The following XIRP2 variants were observed in gnomAD, a reference collection of about 807,000 sequenced individuals.
XIRP2 encodes xin actin binding repeat containing 2.
In XIRP2, 236 loss-of-function variants were observed where a neutral mutation model predicts 277.0. The ratio of observed to expected loss-of-function variants is 0.85; its 90% CI spans 0.77 to 0.95. The LOEUF is 0.95. XIRP2 is among the 40% of genes least tolerant of loss of function. The pLI is 0.00. For synonymous variants in XIRP2, 1,490 were observed against 1,416.5 expected, an observed-to-expected ratio of 1.05 and a Z score of -1.17; for missense variants, 4,640 against 4,157.5, an observed-to-expected ratio of 1.12 and a Z score of -3.19.
chr2:167,002,458 TC>T (rs1208415864), intron 2 of XIRP2, among the ~76,000 whole-genome samples: 1 of 152,010 alleles, frequency 6.6e-6, no homozygotes, highest in Admixed American at 6.6e-5. Flanking sequence ...ATATCTATAC[TC>T]TTTGCTTCAC....
chr2:166,910,110 G>A (rs1042539863), intron 2 of XIRP2, among the ~76,000 whole-genome samples: 6 of 152,128 alleles, frequency 3.9e-5, no homozygotes, highest in South Asian at 2.1e-4. Context: ...TTGGTATCGC[G>A]ATGATGCTGG....
At chr2:166,975,163 G>C (rs1326125475) in intron 2 of XIRP2, among the ~76,000 whole-genome samples, 2 of 151,890 alleles carry the variant, frequency 1.3e-5, no homozygotes, top group Non-Finnish European at 2.9e-5. Flanking sequence ...AGTAGAGACT[G>C]ACAGAATTAA....
Position 167,010,093 on chromosome 2 carries a change from T to G in XIRP2, c.408+106203T>G, listed in dbSNP as rs12564149. On this transcript the variant is annotated intron_variant, in intron 2 of 10. Transcript: ENST00000409195. ...AATTAGATCCCATTTGTCAATTTTG[T>G]CTTTTGTTGCCATTGCTTTTGGTGT... Among the ~76,000 whole-genome samples the G allele has an allele frequency of 2.9e-4, 44 of 151,952 alleles. 2 individuals carry two copies. The highest frequency in any genetic ancestry group is 2.7e-3 in the South Asian group (13 of 4,808).
chr2:167,037,957 T>C (rs1378088826), intron 2 of XIRP2, among the ~76,000 whole-genome samples: 1 of 152,010 alleles, frequency 6.6e-6, no homozygotes, highest in African/African-American at 2.4e-5. Context: ...AGCTTTATCT[T>C]ATGTCAGAAA....
At position 167,244,172 on chromosome 2, in the gene XIRP2, A is replaced by G. The variant is rs1695170304; in HGVS notation, c.2780A>G (p.Asp927Gly). The change falls in exon 9 of 11, where the codon GAT (aspartate) becomes GGT (glycine). Residue 927 changes from aspartate (D) to glycine (G), a missense_variant. Asp to Gly is a moderately conservative substitution (Grantham distance 94). Transcript: ENST00000409195. ...CAACCTCTGGAAGACATTAGAAAAG[A>G]TAAAAAGGAGTACACACGAACAGTG... ...ETQPLEDIRK[D>G]KKEYTRTVKL... The G allele has an allele frequency of 6.2e-7, 1 of 1,613,686 alleles. No homozygotes were observed. Among genetic ancestry groups the G allele is most frequent in the South Asian group, 1.1e-5 (1 of 91,050 alleles).
rs559846704 is a variant in XIRP2, at chr2:166,892,842, TTATAA to T, written c.-19+4290_-19+4294del. ...ATATATATATAACTTCTATGATATG[TTATAA>T]TATATGTTTTATATATATATGTATG... On this transcript the variant is annotated intron_variant, in intron 1 of 10. Transcript: ENST00000409195. 2.4e-3 allele frequency among the ~76,000 whole-genome samples: 358 copies of T among 148,786 alleles called. 2 individuals are homozygous for T. The highest frequency in any genetic ancestry group is 7.8e-3 in the African/African-American group (320 of 40,874).
Position 167,259,382 on chromosome 2 carries a change from C to T in XIRP2, c.*1565C>T, listed in dbSNP as rs1435910679. 1 of 1,580,272 alleles carries T rather than the reference C, an allele frequency of 6.3e-7. No individual in the cohort carries two copies. The highest frequency in any genetic ancestry group is 8.6e-7 in the Non-Finnish European group (1 of 1,165,232). Reference sequence around the variant, plus strand: ...TGAGTAAAATATCTATGGCCACTGACAGTCCACACTTAGGCACTGAGAGAT... The same window carrying T: ...TGAGTAAAATATCTATGGCCACTGATAGTCCACACTTAGGCACTGAGAGAT... On this transcript the variant is annotated 3_prime_UTR_variant, in exon 11 of 11. Transcript: ENST00000409195.
intron 3 of XIRP2, among the ~76,000 whole-genome samples, chr2:167,168,710 G>A (rs1692593569): frequency 6.6e-6 from 1 of 152,288 alleles, no homozygotes; most frequent in South Asian, 2.1e-4. Context: ...CGCCTCCCGG[G>A]TTCACACCAT....
chr2:167,064,599 A>T (rs1476138531), intron 2 of XIRP2, among the ~76,000 whole-genome samples: 2 of 151,876 alleles, frequency 1.3e-5, no homozygotes, highest in African/African-American at 2.4e-5. Context: ...CTTTGCAACC[A>T]ATCCCCAGAA....
At chr2:166,888,888 T>C (rs1483890747) in intron 1 of XIRP2, among the ~76,000 whole-genome samples, 1 of 152,206 alleles carries the variant, frequency 6.6e-6, no homozygotes. Flanking sequence ...TTTTGGACAC[T>C]GAAAGATAGT....
chr2:166,977,057 A>G (rs530527310), intron 2 of XIRP2, among the ~76,000 whole-genome samples: 7 of 152,278 alleles, frequency 4.6e-5, no homozygotes, highest in African/African-American at 1.4e-4. Flanking sequence ...CCAGTAATCA[A>G]CCATTGCTCA....
chr2:167,096,676 G>T (rs1000222413), intron 2 of XIRP2, among the ~76,000 whole-genome samples: 5 of 152,086 alleles, frequency 3.3e-5, no homozygotes, highest in Admixed American at 2.6e-4. Context: ...ACTTTCTCCT[G>T]TGGGCATTTA....
intron 2 of XIRP2, among the ~76,000 whole-genome samples, chr2:167,129,102 A>T (rs1275255966): frequency 6.6e-6 from 1 of 152,206 alleles, no homozygotes; most frequent in Admixed American, 6.5e-5. Flanking sequence ...TTCAAAGACC[A>T]GATGGGACAG....
At chr2:167,060,688 G>A (rs935568599) in intron 2 of XIRP2, among the ~76,000 whole-genome samples, 1 of 152,106 alleles carries the variant, frequency 6.6e-6, no homozygotes, top group African/African-American at 2.4e-5. Flanking sequence ...TCATATATGT[G>A]TGGATCCATT....
intron 3 of XIRP2, among the ~76,000 whole-genome samples, chr2:167,142,823 A>G (rs184773628): frequency 6.6e-5 from 10 of 152,288 alleles, no homozygotes; most frequent in Middle Eastern, 6.8e-3. Flanking sequence ...CAATCCTAGC[A>G]AGACTGAGTT....
At chr2:167,018,202 C>T (rs1184307045) in intron 2 of XIRP2, among the ~76,000 whole-genome samples, 1 of 152,030 alleles carries the variant, frequency 6.6e-6, no homozygotes, top group Non-Finnish European at 1.5e-5. Flanking sequence ...TGAATCTTTA[C>T]ACCCATGTGG....
intron 2 of XIRP2, among the ~76,000 whole-genome samples, chr2:167,079,048 C>T (rs1183138693): frequency 6.6e-6 from 1 of 151,940 alleles, no homozygotes; most frequent in Non-Finnish European, 1.5e-5. Context: ...TGCATAGTTT[C>T]CTGAGGGTTT....
intron 2 of XIRP2, among the ~76,000 whole-genome samples, chr2:167,116,118 G>A (rs1690890520): frequency 6.6e-6 from 1 of 151,986 alleles, no homozygotes; most frequent in African/African-American, 2.4e-5. Context: ...GCCTTTCTTG[G>A]GTGAGATGTT....
chr2:167,013,122 G>C (rs1259035783), intron 2 of XIRP2, among the ~76,000 whole-genome samples: 1 of 150,884 alleles, frequency 6.6e-6, no homozygotes, highest in African/African-American at 2.4e-5. Flanking sequence ...ATATAGTTTG[G>C]TCATTCCCAA....
Sources: gnomAD v4.1 joint callset for allele counts (sites outside exome capture counted in the v4.1 genomes callset) on GRCh38, gnomAD v4.1.1 for gene constraint, MANE v1.5 for transcripts, NCBI Gene and HGNC (gene_info 2026-07-23, HGNC 2026-07-21) for gene names.